FBXW4: variants seen among roughly 807,000 people sequenced by gnomAD.
FBXW4 encodes F-box/WD repeat-containing protein 4.
FBXW4 carries 40 observed loss-of-function variants against 61.8 expected under a neutral mutation model. The observed-to-expected ratio is 0.65, with a 90% CI of 0.50 to 0.84. The LOEUF (loss-of-function observed/expected upper bound fraction) is 0.84. Ranked by LOEUF, FBXW4 falls within the 40% of genes least tolerant of loss-of-function variation. The pLI, the probability that FBXW4 is intolerant of heterozygous loss-of-function variation, is 0.00. For synonymous variants in FBXW4, 311 were observed against 313.8 expected (o/e 0.99, Z 0.10); for missense variants, 672 against 753.8 (o/e 0.89, Z 1.27).
chr10:101,664,849 CTT>C (rs2064283304), intron 5 of FBXW4, among the ~76,000 whole-genome samples: 1 of 152,158 alleles, frequency 6.6e-6, no homozygotes, highest in Non-Finnish European at 1.5e-5. Flanking sequence ...TATTACAGCC[CTT>C]TTAGCTTTTC....
intron 5 of FBXW4, among the ~76,000 whole-genome samples, chr10:101,653,443 G>T (rs1367046352): frequency 3.3e-5 from 5 of 152,154 alleles, no homozygotes; most frequent in Non-Finnish European, 1.5e-5. Flanking sequence ...CCTCCAGCGA[G>T]CCAGACTTGT....
At chr10:101,659,239 C>T (rs1242222195) in intron 5 of FBXW4, among the ~76,000 whole-genome samples, 1 of 152,160 alleles carries the variant, frequency 6.6e-6, no homozygotes, top group African/African-American at 2.4e-5. Flanking sequence ...CGGCAAGACC[C>T]CAGGGCATGA....
At chr10:101,649,457 A>G (rs1428246698) in intron 5 of FBXW4, among the ~76,000 whole-genome samples, 1 of 152,216 alleles carries the variant, frequency 6.6e-6, no homozygotes, top group East Asian at 1.9e-4. Context: ...GAAAGGGAGG[A>G]ACAACATTTG....
chr10:101,691,825 G>A (rs1260055034), intron 1 of FBXW4, among the ~76,000 whole-genome samples: 1 of 152,150 alleles, frequency 6.6e-6, no homozygotes, highest in African/African-American at 2.4e-5. Context: ...CAGGTGACAA[G>A]ACTGCATGCC....
chr10:101,631,629 C>CTTT (rs11286397), intron 5 of FBXW4, among the ~76,000 whole-genome samples: 1 of 138,822 alleles, frequency 7.2e-6, no homozygotes, highest in African/African-American at 2.7e-5. Flanking sequence ...ACATTATTTA[C>CTTT]TTTTTTTTTT....
chr10:101,688,359 G>A (rs947555381), intron 1 of FBXW4, among the ~76,000 whole-genome samples: 1 of 152,208 alleles, frequency 6.6e-6, no homozygotes, highest in Non-Finnish European at 1.5e-5. Context: ...AGAGGAAGAA[G>A]AAAGAATGTG....
chr10:101,659,039 G>C (rs551342923), intron 5 of FBXW4, among the ~76,000 whole-genome samples: 1 of 152,058 alleles, frequency 6.6e-6, no homozygotes, highest in East Asian at 2.0e-4. Context: ...AGCCGAAGCA[G>C]GCTATAGAGA....
chr10:101,635,931 A>G (rs1428675759), intron 5 of FBXW4, among the ~76,000 whole-genome samples: 1 of 152,056 alleles, frequency 6.6e-6, no homozygotes, highest in East Asian at 1.9e-4. Flanking sequence ...GGGCGGGCGG[A>G]GGGAAGAGCG....
chr10:101,624,974 T>G (rs1052705057), intron 5 of FBXW4, 164 bp from the exon 6 acceptor site: 10 of 743,870 alleles, frequency 1.3e-5, no homozygotes, highest in Admixed American at 2.1e-5. Context: ...GGAAGACATC[T>G]TGGAGCACTG....
At chr10:101,647,631 A>G (rs2064112565) in intron 5 of FBXW4, among the ~76,000 whole-genome samples, 1 of 152,268 alleles carries the variant, frequency 6.6e-6, no homozygotes, top group Admixed American at 6.5e-5. Flanking sequence ...CCAAAAAATG[A>G]CCAAAAAGTC....
At chr10:101,654,111 C>A (rs1203202932) in intron 5 of FBXW4, among the ~76,000 whole-genome samples, 1 of 89,304 alleles carries the variant, frequency 1.1e-5, no homozygotes, top group African/African-American at 4.5e-5. Flanking sequence ...CAGAGCGAGA[C>A]TCCGTCTTAA....
chr10:101,665,211 T>C (rs956414922), intron 5 of FBXW4, among the ~76,000 whole-genome samples: 1 of 151,968 alleles, frequency 6.6e-6, no homozygotes, highest in African/African-American at 2.4e-5. Context: ...GAGGCAGAGA[T>C]AACACCGGCA....
intron 6 of FBXW4, 45 bp from the exon 7 acceptor site, chr10:101,612,522 T>C (rs775965586): frequency 2.4e-5 from 35 of 1,471,886 alleles, no homozygotes; most frequent in Non-Finnish European, 3.2e-5. Flanking sequence ...ACGTGGGTCA[T>C]ACACATTCGT....
chr10:101,633,883 G>T (rs1379152218), intron 5 of FBXW4, among the ~76,000 whole-genome samples: 1 of 152,056 alleles, frequency 6.6e-6, no homozygotes, highest in Non-Finnish European at 1.5e-5. Flanking sequence ...GGCTGAGGGG[G>T]GTGGATCACC....
At chr10:101,632,702 G>A (rs1469142921) in intron 5 of FBXW4, among the ~76,000 whole-genome samples, 1 of 152,196 alleles carries the variant, frequency 6.6e-6, no homozygotes, top group Non-Finnish European at 1.5e-5. Context: ...AGGGAGAAGA[G>A]TTTCTAAACT....
chr10:101,688,296 C>T (rs1034669342), intron 1 of FBXW4, among the ~76,000 whole-genome samples: 1 of 152,176 alleles, frequency 6.6e-6, no homozygotes, highest in Non-Finnish European at 1.5e-5. Flanking sequence ...GTCTTCATTT[C>T]ACAGTTGTCA....
intron 5 of FBXW4, chr10:101,659,559 C>G (rs1235981594): frequency 3.1e-6 from 1 of 327,042 alleles, no homozygotes; most frequent in Non-Finnish European, 4.4e-6. Flanking sequence ...GTCTAGTACA[C>G]ATTCTTGTCA....
chr10:101,695,124 C>A lies in FBXW4; in HGVS notation c.-19G>T. On this transcript the variant is annotated 5_prime_UTR_variant, in exon 1 of 9. Transcript: ENST00000331272. This position sits in a 1 kb window ranked among gnomAD's most constrained non-coding sequence, Gnocchi z 4.2. Reference sequence around the variant, plus strand: ...TGCCCATGAGCGGCCGCGGGGCCGGCCCGACGCGGAGCCCAGCCCGAGCCG... The same window carrying A: ...TGCCCATGAGCGGCCGCGGGGCCGGACCGACGCGGAGCCCAGCCCGAGCCG... 2.0e-6 allele frequency: 2 copies of A among 985,420 alleles called. No homozygotes were observed. Among genetic ancestry groups the A allele is most frequent in the South Asian group, 9.4e-5 (2 of 21,320 alleles). 61.0% of individuals were successfully genotyped at this position (985,420 alleles called of 1,614,324 possible).
At chr10:101,692,248 G>C (rs570170128) in intron 1 of FBXW4, among the ~76,000 whole-genome samples, 109 of 151,496 alleles carry the variant, frequency 7.2e-4, no homozygotes, top group Non-Finnish European at 7.5e-4. Context: ...ACACAATGAA[G>C]AGTTCAGATA....
Sources: allele counts gnomAD v4.1 joint callset (sites outside exome capture counted in the v4.1 genomes callset), GRCh38; gene constraint gnomAD v4.1.1; non-coding constraint Gnocchi (gnomAD v3.1); transcripts MANE v1.5; gene names NCBI Gene and HGNC (gene_info 2026-07-23, HGNC 2026-07-21).